The following RGS7 variants were observed in gnomAD, a reference collection of about 807,000 sequenced individuals.
The protein encoded by RGS7 is regulator of G-protein signaling 7.
A neutral mutation model predicts 81.1 loss-of-function variants in RGS7; 27 were observed. The observed-to-expected ratio is 0.33, with a 90% CI of 0.25 to 0.46. The LOEUF (loss-of-function observed/expected upper bound fraction) is 0.46. RGS7 is among the 20% of genes least tolerant of loss of function. The pLI, the probability that RGS7 is intolerant of heterozygous loss-of-function variation, is 1.00. For synonymous variants in RGS7, 208 were observed against 207.7 expected (o/e 1.00, Z -0.01); for missense variants, 396 against 607.4 (o/e 0.65, Z 3.66).
intron 2 of RGS7, among the ~76,000 whole-genome samples, chr1:241,135,367 C>G (rs1323976003): frequency 6.6e-6 from 1 of 152,074 alleles, no homozygotes; most frequent in Non-Finnish European, 1.5e-5. Flanking sequence ...GCGGAGCTTG[C>G]AGTGAGCCGA....
rs1352416670 is a variant in RGS7 at position 241,163,642 on chromosome 1, C to T, written c.79-64880G>A. Among the ~76,000 whole-genome samples, 1 of 152,188 alleles carries T rather than the reference C, an allele frequency of 6.6e-6. No homozygotes were observed. Among genetic ancestry groups the T allele is most frequent in the African/African-American group, 2.4e-5 (1 of 41,450 alleles). ...CTTTGCTAGCCAGGGCTCCTCTTCT[C>T]TCCCTCCCATAATCACAACCTGTTT... On this transcript the variant is annotated intron_variant, in intron 2 of 18. Transcript: ENST00000440928. The surrounding 1 kb of genome is among the most constrained non-coding windows in gnomAD (Gnocchi z 4.6).
chr1:240,856,099 T>A (rs896245896), intron 9 of RGS7, among the ~76,000 whole-genome samples: 3 of 152,316 alleles, frequency 2.0e-5, no homozygotes, highest in African/African-American at 7.2e-5. Context: ...TTTATCTTGC[T>A]CCAAGTATTT....
intron 2 of RGS7, among the ~76,000 whole-genome samples, chr1:241,189,109 G>A (rs968981509): frequency 1.3e-5 from 2 of 151,932 alleles, no homozygotes; most frequent in African/African-American, 2.4e-5. Flanking sequence ...CAAGTAACTG[G>A]GACTCCAGAC....
intron 2 of RGS7, among the ~76,000 whole-genome samples, chr1:241,207,026 T>G (rs566891973): frequency 7.3e-6 from 1 of 137,782 alleles, no homozygotes; most frequent in African/African-American, 2.7e-5. Context: ...TGGAGTGCAG[T>G]GGTGCGATCT....
intron 4 of RGS7, among the ~76,000 whole-genome samples, chr1:240,949,486 A>C (rs1280387329): frequency 1.3e-5 from 2 of 152,100 alleles, no homozygotes; most frequent in African/African-American, 4.8e-5. Flanking sequence ...TATAAAAGTG[A>C]AGGTGACACT....
chr1:240,825,258 AT>A (rs1692601661), intron 10 of RGS7, among the ~76,000 whole-genome samples: 1 of 152,270 alleles, frequency 6.6e-6, no homozygotes, highest in Non-Finnish European at 1.5e-5. Context: ...AGACTCCTTA[AT>A]TTTGCTAATT....
Position 240,973,077 on chromosome 1 carries a change from G to A in RGS7, c.226+10002C>T, listed in dbSNP as rs115756793. Among the ~76,000 whole-genome samples, 421 of 151,432 alleles carry A rather than the reference G, an allele frequency of 2.8e-3. 4 individuals are homozygous for A. Among genetic ancestry groups the A allele is most frequent in the African/African-American group, 9.0e-3 (370 of 41,282 alleles). On this transcript the variant is annotated intron_variant, in intron 4 of 18. Coordinates refer to ENST00000440928, the MANE Select transcript of RGS7 (RefSeq NM_001364886.1). ...AAAAAAAAAAGGAGCAGGCACACAG[G>A]GTACAGGTTGTACCTACTGTGCTTT...
chr1:240,942,743 T>C (rs149053019), intron 4 of RGS7, among the ~76,000 whole-genome samples: 327 of 152,302 alleles, frequency 2.1e-3, no homozygotes, highest in Non-Finnish European at 2.9e-3. Flanking sequence ...AAAAAGAAGA[T>C]ATGTTAGACT....
intron 3 of RGS7, among the ~76,000 whole-genome samples, chr1:241,062,615 C>A (rs141334300): frequency 2.5e-4 from 38 of 152,284 alleles, no homozygotes; most frequent in African/African-American, 9.1e-4. Context: ...ACTGAATTGA[C>A]TCCCCAGGCT....
chr1:240,838,010 G>A lies in RGS7; in HGVS notation c.610-10838C>T, dbSNP rs550155118. ...CTTTGAATCACAAAGGATATGGGGG[G>A]CTCCTAAATCATAAGTTCCCAAATA... On this transcript the variant is annotated intron_variant, in intron 9 of 18. Coordinates refer to ENST00000440928, the MANE Select transcript of RGS7 (RefSeq NM_001364886.1). 1.8e-4 allele frequency among the ~76,000 whole-genome samples: 28 copies of A among 152,278 alleles called. 2 individuals carry two copies. The South Asian group carries it at 5.8e-3, about 32-fold the overall frequency.
rs117042463 is a variant in RGS7, at chr1:241,336,864, A to C, written c.78+18835T>G. Among the ~76,000 whole-genome samples, 372 of 152,348 alleles carry C rather than the reference A, an allele frequency of 2.4e-3. 12 individuals are homozygous for C. In the East Asian group the frequency reaches 0.064, roughly 26 times the overall value. The stretch of plus-strand genomic sequence containing the variant: ...GATATTCCTGGCACCTTCATATGTG[A>C]AGATAAAGAGGCTCAGAGAGTTTAA... On this transcript the variant is annotated intron_variant, in intron 2 of 18. Coordinates refer to ENST00000440928, the MANE Select transcript of RGS7 (RefSeq NM_001364886.1).
intron 2 of RGS7, among the ~76,000 whole-genome samples, chr1:241,243,430 G>A (rs1472212698): frequency 6.6e-6 from 1 of 152,198 alleles, no homozygotes; most frequent in Non-Finnish European, 1.5e-5. Flanking sequence ...TGAAAGCAAA[G>A]AGACCAGTAA....
intron 3 of RGS7, among the ~76,000 whole-genome samples, chr1:241,013,308 C>T (rs112259345): frequency 2.0e-5 from 3 of 152,070 alleles, no homozygotes; most frequent in African/African-American, 7.2e-5. Flanking sequence ...AGTGATCTGC[C>T]CACCTTAGCC....
chr1:241,089,063 C>CTCTCTCTCTCTCTATATA (rs1374552672), intron 3 of RGS7, among the ~76,000 whole-genome samples: 1 of 23,686 alleles, frequency 4.2e-5, no homozygotes, highest in African/African-American at 2.3e-4. Flanking sequence ...CTCTCTCTCT[C>CTCTCTCTCTCTCTATATA]TATATATATA....
chr1:241,207,912 C>T (rs1000984060), intron 2 of RGS7, among the ~76,000 whole-genome samples: 1 of 152,064 alleles, frequency 6.6e-6, no homozygotes, highest in Non-Finnish European at 1.5e-5. Flanking sequence ...GACATCTTTG[C>T]CTTTTTTCTT....
chr1:241,120,104 T>C (rs974480134), intron 2 of RGS7, among the ~76,000 whole-genome samples: 3 of 152,204 alleles, frequency 2.0e-5, no homozygotes, highest in Non-Finnish European at 2.9e-5. Context: ...ACTTGGCATA[T>C]TATGAGGCCC....
At chr1:240,788,009 T>C (rs1685356968) in intron 18 of RGS7, among the ~76,000 whole-genome samples, 1 of 152,172 alleles carries the variant, frequency 6.6e-6, no homozygotes, top group Admixed American at 6.6e-5. Context: ...ACGAGGCCTA[T>C]TGATGAACTG....
At chr1:240,894,497 A>C (rs1005083642) in intron 6 of RGS7, among the ~76,000 whole-genome samples, 3 of 151,964 alleles carry the variant, frequency 2.0e-5, no homozygotes, top group African/African-American at 7.2e-5. Flanking sequence ...TCCTTATGCA[A>C]CTGTGCAGCA....
intron 2 of RGS7, among the ~76,000 whole-genome samples, chr1:241,317,185 G>T (rs973545665): frequency 6.6e-6 from 1 of 152,166 alleles, no homozygotes; most frequent in African/African-American, 2.4e-5. Context: ...TTTACAAGAT[G>T]TAAACAACCT....
Sources: allele counts gnomAD v4.1 joint callset (sites outside exome capture counted in the v4.1 genomes callset), GRCh38; gene constraint gnomAD v4.1.1; non-coding constraint Gnocchi (gnomAD v3.1); transcripts MANE v1.5; gene names NCBI Gene and HGNC (gene_info 2026-07-23, HGNC 2026-07-21).